Variants in SYN3 observed in about 807,000 individuals in gnomAD.
SYN3 encodes synapsin III, also known as synapsin-3.
A neutral mutation model predicts 65.8 loss-of-function variants in SYN3; 35 were observed. The ratio of observed to expected loss-of-function variants is 0.53; its 90% CI spans 0.41 to 0.70. The LOEUF (loss-of-function observed/expected upper bound fraction) is 0.70. Ranked by LOEUF, SYN3 falls within the 30% of genes least tolerant of loss-of-function variation. The pLI is 0.00. For missense variants in SYN3, 680 were observed against 749.0 expected (o/e 0.91, Z 1.08); for synonymous variants, 270 against 292.9 (o/e 0.92, Z 0.80).
chr22:32,739,592 C>T (rs2147383427), intron 6 of SYN3, among the ~76,000 whole-genome samples: 1 of 152,244 alleles, frequency 6.6e-6, no homozygotes, highest in East Asian at 1.9e-4. Context: ...TGTGGCTGTA[C>T]CAGCTGTTAA....
intron 7 of SYN3, among the ~76,000 whole-genome samples, chr22:32,553,656 G>GT (rs1458143484): frequency 6.6e-6 from 1 of 152,140 alleles, no homozygotes; most frequent in African/African-American, 2.4e-5. Flanking sequence ...GATTAGGGAA[G>GT]TTTTTTGAAA....
At chr22:32,647,849 C>T (rs190042312) in intron 6 of SYN3, among the ~76,000 whole-genome samples, 5 of 152,088 alleles carry the variant, frequency 3.3e-5, no homozygotes, top group East Asian at 1.9e-4. Flanking sequence ...CCTTGCAATC[C>T]GCCCACCTCG....
intron 7 of SYN3, among the ~76,000 whole-genome samples, chr22:32,553,143 C>T (rs867728095): frequency 6.6e-6 from 1 of 152,158 alleles, no homozygotes; most frequent in African/African-American, 2.4e-5. Context: ...ACCTAATTAC[C>T]TCCCATAGAT....
intron 7 of SYN3, among the ~76,000 whole-genome samples, chr22:32,572,401 T>TCCTC (rs2058781627): frequency 8.1e-5 from 1 of 12,388 alleles, no homozygotes; most frequent in Non-Finnish European, 1.9e-4. Context: ...CTTCCCTCCC[T>TCCTC]CCCTCCTGTC....
At chr22:32,656,102 C>T (rs2060139116) in intron 6 of SYN3, among the ~76,000 whole-genome samples, 1 of 152,216 alleles carries the variant, frequency 6.6e-6, no homozygotes, top group African/African-American at 2.4e-5. Context: ...CAGTAAGTGT[C>T]CTTCCTTTAG....
At chr22:32,617,745 T>C (rs2059540411) in intron 6 of SYN3, among the ~76,000 whole-genome samples, 1 of 151,694 alleles carries the variant, frequency 6.6e-6, no homozygotes, top group African/African-American at 2.4e-5. Context: ...AACTCTTCTC[T>C]GGCTGGTGCC....
chr22:32,608,648 G>T (rs915555691), intron 6 of SYN3, among the ~76,000 whole-genome samples: 26 of 152,336 alleles, frequency 1.7e-4, no homozygotes, highest in African/African-American at 5.5e-4. Flanking sequence ...CTGGAAGAGA[G>T]AAGATAGGCT....
chr22:32,876,786 A>G (rs1195591555), intron 4 of SYN3, among the ~76,000 whole-genome samples: 1 of 152,226 alleles, frequency 6.6e-6, no homozygotes. Context: ...TGTAAAAATG[A>G]CAGGCCTGGA....
intron 6 of SYN3, among the ~76,000 whole-genome samples, chr22:32,687,014 A>G (rs2060599787): frequency 1.3e-5 from 2 of 152,084 alleles, no homozygotes; most frequent in Admixed American, 1.3e-4. Flanking sequence ...AGAACTGACC[A>G]TTGCAGTGCC....
intron 6 of SYN3, among the ~76,000 whole-genome samples, chr22:32,804,003 C>T (rs977577958): frequency 7.2e-5 from 11 of 152,126 alleles, no homozygotes; most frequent in African/African-American, 1.7e-4. Context: ...AGGTTTCCTG[C>T]GGTGGGTCTG....
chr22:32,959,680 G>A (rs988555276), intron 3 of SYN3, among the ~76,000 whole-genome samples: 11 of 151,408 alleles, frequency 7.3e-5, no homozygotes, highest in Non-Finnish European at 5.9e-5. Flanking sequence ...CTGCTGCCTC[G>A]ACCTACTGCG....
At chr22:32,591,797 T>C (rs2059131028) in intron 7 of SYN3, among the ~76,000 whole-genome samples, 1 of 152,122 alleles carries the variant, frequency 6.6e-6, no homozygotes, top group Non-Finnish European at 1.5e-5. Context: ...AAATAAACAA[T>C]TCCTAGGTTT....
At chr22:32,911,667 G>A (rs1331672740) in intron 4 of SYN3, among the ~76,000 whole-genome samples, 2 of 152,062 alleles carry the variant, frequency 1.3e-5, no homozygotes, top group African/African-American at 2.4e-5. Flanking sequence ...ATGGCTGCAC[G>A]GCTCTCCCCG....
intron 6 of SYN3, among the ~76,000 whole-genome samples, chr22:32,784,558 C>G (rs11703138): frequency 2.4e-4 from 36 of 152,138 alleles, no homozygotes; most frequent in African/African-American, 8.2e-4. Flanking sequence ...TTAGTTTCAG[C>G]CTTGCAGAGG....
intron 10 of SYN3, 189 bp from the exon 11 acceptor site, chr22:32,529,197 C>G (rs987710844): frequency 1.9e-5 from 12 of 637,952 alleles, no homozygotes; most frequent in African/African-American, 1.6e-4. Flanking sequence ...TCAGTCTAAA[C>G]CACTCCCTGG....
chr22:32,823,525 C>T (rs545644127), intron 6 of SYN3, among the ~76,000 whole-genome samples: 7 of 152,284 alleles, frequency 4.6e-5, no homozygotes, highest in South Asian at 4.1e-4. Flanking sequence ...AGCACAGAGC[C>T]GACCAGGCCT....
intron 6 of SYN3, among the ~76,000 whole-genome samples, chr22:32,844,712 C>G (rs1054172522): frequency 7.0e-6 from 1 of 143,824 alleles, no homozygotes; most frequent in African/African-American, 2.5e-5. Flanking sequence ...CTTCTTCTTC[C>G]TTTTTTTTTT....
chr22:32,924,041 T>G (rs1009969611), intron 4 of SYN3, among the ~76,000 whole-genome samples: 2 of 152,220 alleles, frequency 1.3e-5, no homozygotes, highest in Admixed American at 1.3e-4. Context: ...TATGGCTGGA[T>G]AGTATTCCAT....
At chr22:32,804,629 G>C (rs896985986) in intron 6 of SYN3, among the ~76,000 whole-genome samples, 1 of 152,172 alleles carries the variant, frequency 6.6e-6, no homozygotes, top group African/African-American at 2.4e-5. Flanking sequence ...TCCTGTCTCT[G>C]CTCATCCACA....
Sources: allele counts gnomAD v4.1 joint callset (sites outside exome capture counted in the v4.1 genomes callset), GRCh38; gene constraint gnomAD v4.1.1; transcripts MANE v1.5; gene names NCBI Gene and HGNC (gene_info 2026-07-23, HGNC 2026-07-21).